Variants in ME3 observed in about 807,000 individuals in gnomAD.
The protein encoded by ME3 is NADP-dependent malic enzyme, mitochondrial.
ME3 carries 48 observed loss-of-function variants against 68.9 expected under a neutral mutation model. The ratio of observed to expected loss-of-function variants is 0.70; its 90% confidence interval spans 0.55 to 0.89. The LOEUF is 0.89. Ranked by LOEUF, ME3 falls within the 40% of genes least tolerant of loss-of-function variation. ME3 has a pLI of 0.00. For missense variants in ME3, 675 were observed against 797.4 expected (o/e 0.85, Z 1.85); for synonymous variants, 320 against 318.8 (o/e 1.00, Z -0.04).
At chr11:86,494,642 G>C (rs1267115885) in intron 6 of ME3, among the ~76,000 whole-genome samples, 1 of 148,074 alleles carries the variant, frequency 6.8e-6, no homozygotes, top group African/African-American at 2.7e-5. Context: ...AGGAGGGAGA[G>C]GTGATTCTAG....
intron 4 of ME3, among the ~76,000 whole-genome samples, chr11:86,513,226 G>C (rs1014643188): frequency 2.0e-5 from 3 of 152,186 alleles, no homozygotes; most frequent in Non-Finnish European, 4.4e-5. Flanking sequence ...ATTTAAGTTT[G>C]AGCTACTAAA....
chr11:86,561,879 G>T (rs1322886169), intron 2 of ME3, among the ~76,000 whole-genome samples: 1 of 152,034 alleles, frequency 6.6e-6, no homozygotes, highest in East Asian at 1.9e-4. Flanking sequence ...AGATTCTCTT[G>T]TCATAGTCTG....
intron 2 of ME3, among the ~76,000 whole-genome samples, chr11:86,571,506 C>T (rs1957788699): frequency 6.6e-6 from 1 of 152,246 alleles, no homozygotes; most frequent in Non-Finnish European, 1.5e-5. Flanking sequence ...CTTACCACCA[C>T]ACTGTGGCTA....
At chr11:86,479,338 A>T (rs1033452913) in intron 7 of ME3, among the ~76,000 whole-genome samples, 1 of 151,968 alleles carries the variant, frequency 6.6e-6, no homozygotes, top group African/African-American at 2.4e-5. Context: ...GGATTTCTTT[A>T]CCTCCATCAT....
chr11:86,623,022 T>C (rs1938929), intron 2 of ME3, among the ~76,000 whole-genome samples: 58,627 of 152,066 alleles, frequency 0.39, 11,960 homozygotes, highest in East Asian at 0.7. Context: ...CTATTTGTGA[T>C]GGTTAGTTTT....
At chr11:86,618,647 G>C (rs1377770597) in intron 2 of ME3, among the ~76,000 whole-genome samples, 1 of 151,952 alleles carries the variant, frequency 6.6e-6, no homozygotes, top group Non-Finnish European at 1.5e-5. Context: ...CAGGTGTTTA[G>C]CTTATGGGGG....
chr11:86,436,749 G>T (rs1213207927), downstream of ME3: 1 of 151,848 alleles, frequency 6.6e-6, no homozygotes, highest in Admixed American at 6.6e-5. Flanking sequence ...TTTGCATGTG[G>T]ATATTCAATT....
intron 2 of ME3, among the ~76,000 whole-genome samples, chr11:86,641,750 T>C (rs1051178408): frequency 6.6e-6 from 1 of 152,208 alleles, no homozygotes; most frequent in East Asian, 1.9e-4. Flanking sequence ...ATGATGTCTG[T>C]AGCATCATGG....
chr11:86,496,385 A>T (rs1594180141), intron 6 of ME3, among the ~76,000 whole-genome samples: 2 of 150,630 alleles, frequency 1.3e-5, no homozygotes, highest in African/African-American at 4.9e-5. Flanking sequence ...CAGCCTGGGC[A>T]ACAGAGGGAG....
chr11:86,440,422 A>G (rs1163417053), downstream of ME3, among the ~76,000 whole-genome samples: 1 of 152,144 alleles, frequency 6.6e-6, no homozygotes, highest in African/African-American at 2.4e-5. Context: ...TTGCTCAACT[A>G]CTTCAGAGAG....
At chr11:86,439,084 A>G (rs370982768), downstream of ME3, among the ~76,000 whole-genome samples, 2 of 152,194 alleles carry the variant, frequency 1.3e-5, no homozygotes, top group Non-Finnish European at 2.9e-5. Flanking sequence ...CAGGCCTTCA[A>G]CTAATTGGAT....
At chr11:86,534,925 A>G (rs1955544020) in intron 4 of ME3, among the ~76,000 whole-genome samples, 1 of 141,550 alleles carries the variant, frequency 7.1e-6, no homozygotes, top group Admixed American at 6.9e-5. Flanking sequence ...TAGTTTTAAA[A>G]TGGAGAGTTT....
intron 7 of ME3, among the ~76,000 whole-genome samples, chr11:86,472,262 G>T (rs1950824078): frequency 6.6e-6 from 1 of 152,204 alleles, no homozygotes; most frequent in African/African-American, 2.4e-5. Context: ...AGCCTTGGTG[G>T]AATGCAGGAG....
intron 2 of ME3, among the ~76,000 whole-genome samples, chr11:86,637,813 G>A (rs1455279296): frequency 2.0e-5 from 3 of 152,004 alleles, no homozygotes; most frequent in East Asian, 1.9e-4. Context: ...ATGGAGATAC[G>A]GAGACCATAG....
At chr11:86,585,033 G>A (rs1221786413) in intron 2 of ME3, among the ~76,000 whole-genome samples, 1 of 152,178 alleles carries the variant, frequency 6.6e-6, no homozygotes, top group Non-Finnish European at 1.5e-5. Context: ...AGGCCAAGTG[G>A]TGGTGCTCGG....
chr11:86,521,089 A>G lies in ME3; in HGVS notation c.468-12222T>C, dbSNP rs376171985. Among the ~76,000 whole-genome samples the G allele has an allele frequency of 5.9e-5, 9 of 152,310 alleles. No homozygotes were observed. The East Asian group carries it at 1.7e-3, about 29-fold the overall frequency. On this transcript the variant is annotated intron_variant, in intron 4 of 14. Transcript: ENST00000543262. ...TAACTCCACCGAATCTCCATTGCTT[A>G]TTATTAAAATGTAGCTGTGGCCGGG...
intron 7 of ME3, among the ~76,000 whole-genome samples, chr11:86,479,887 T>G (rs1463939763): frequency 6.6e-6 from 1 of 151,908 alleles, no homozygotes; most frequent in African/African-American, 2.4e-5. Flanking sequence ...CCATCTCAGC[T>G]CACTGCAACC....
intron 2 of ME3, among the ~76,000 whole-genome samples, chr11:86,638,810 G>T (rs1268713148): frequency 5.3e-5 from 8 of 152,320 alleles, no homozygotes; most frequent in Admixed American, 5.2e-4. Context: ...CACACTGCTA[G>T]TAAGTGGCAG....
At chr11:86,473,827 T>G (rs1387033530) in intron 7 of ME3, among the ~76,000 whole-genome samples, 2 of 152,186 alleles carry the variant, frequency 1.3e-5, no homozygotes, top group Admixed American at 6.5e-5. Flanking sequence ...ATACGGAGCC[T>G]GAGAAGGGCA....
Sources: gnomAD v4.1 joint callset for allele counts (sites outside exome capture counted in the v4.1 genomes callset) on GRCh38, gnomAD v4.1.1 for gene constraint, MANE v1.5 for transcripts, NCBI Gene and HGNC (gene_info 2026-07-23, HGNC 2026-07-21) for gene names.